The following LMO1 variants were observed in gnomAD, a reference collection of about 807,000 sequenced individuals.
LMO1 encodes rhombotin-1.
In LMO1, 10 loss-of-function variants were observed where a neutral mutation model predicts 18.0. The observed-to-expected ratio is 0.55, with a 90% CI of 0.34 to 0.94. The LOEUF (loss-of-function observed/expected upper bound fraction) is 0.94, where lower values mean the gene tolerates loss of function less well. Ranked by LOEUF, LMO1 falls within the 40% of genes least tolerant of loss-of-function variation. The probability of loss-of-function intolerance (pLI) is 0.02; values close to 1 mark genes in which losing one functional copy is unlikely to be tolerated. For missense variants in LMO1, 183 were observed against 205.7 expected, an observed-to-expected ratio of 0.89 and a Z score of 0.68; for synonymous variants, 77 against 77.9, an observed-to-expected ratio of 0.99 and a Z score of 0.06.
At chr11:8,230,597 T>C in intron 1 of LMO1, 93 bp from the exon 2 acceptor site, 1 of 1,309,012 alleles carries the variant, frequency 7.6e-7, no homozygotes, top group Non-Finnish European at 1.1e-6. Context: ...TCACTGCTTC[T>C]CTCTGCTGCC....
At chr11:8,266,209 C>T (rs1438749457), upstream of LMO1, among the ~76,000 whole-genome samples, 5 of 152,184 alleles carry the variant, frequency 3.3e-5, no homozygotes, top group Non-Finnish European at 7.4e-5. Flanking sequence ...TGGAGAGGAA[C>T]CTTCACAGCA....
chr11:8,226,947 G>C, intron 3 of LMO1, 28 bp downstream of exon 3: 1 of 1,599,532 alleles, frequency 6.3e-7, no homozygotes, highest in Non-Finnish European at 8.5e-7. Flanking sequence ...TCTGGGGAGT[G>C]TGTTGGGTCG....
At chr11:8,260,830 T>C (rs1847173879) in intron 1 of LMO1, among the ~76,000 whole-genome samples, 1 of 152,016 alleles carries the variant, frequency 6.6e-6, no homozygotes, top group South Asian at 2.1e-4. Context: ...CCTGAGTCCC[T>C]GCTGCAGCCA....
chr11:8,235,078 T>C (rs1436979818), intron 1 of LMO1, among the ~76,000 whole-genome samples: 1 of 152,204 alleles, frequency 6.6e-6, no homozygotes, highest in African/African-American at 2.4e-5. Flanking sequence ...CTTCTGCACA[T>C]GAGGCCATAG....
At chr11:8,262,799 G>A (rs1847208653) in intron 1 of LMO1, among the ~76,000 whole-genome samples, 2 of 152,090 alleles carry the variant, frequency 1.3e-5, no homozygotes, top group South Asian at 2.1e-4. Context: ...GGTCCAACCC[G>A]CCTTCCCCTC....
chr11:8,225,247 A>C (rs1450249965), intron 3 of LMO1, among the ~76,000 whole-genome samples: 1 of 151,834 alleles, frequency 6.6e-6, no homozygotes, highest in African/African-American at 2.4e-5. Flanking sequence ...CCCCATCTCT[A>C]CTAAAAATAC....
In LMO1 at chr11:8,243,176, C is replaced by T. The variant is rs527558046; in HGVS notation, c.26-12672G>A. 1.8e-3 allele frequency among the ~76,000 whole-genome samples: 273 copies of T among 152,244 alleles called. 1 individual carries two copies. The highest frequency in any genetic ancestry group is 2.8e-3 in the Non-Finnish European group (189 of 68,008). On this transcript the variant is annotated intron_variant, in intron 1 of 3. Coordinates refer to ENST00000335790, the MANE Select transcript of LMO1 (RefSeq NM_002315.3). ...GGGATGCCTGCCTGAGGCATTGCCCCGGGGCTTCCTATTGAGGCCCTGGGG... is the reference window on the plus strand; with the variant it reads ...GGGATGCCTGCCTGAGGCATTGCCCTGGGGCTTCCTATTGAGGCCCTGGGG...
At chr11:8,251,093 ACTGGGAGTTCCTTT>A (rs1846983934) in intron 1 of LMO1, among the ~76,000 whole-genome samples, 1 of 152,158 alleles carries the variant, frequency 6.6e-6, no homozygotes, top group Non-Finnish European at 1.5e-5. Context: ...AAGAGACCTC[ACTGGGAGTTCCTTT>A]CTGCTGGCCT....
chr11:8,250,992 T>C (rs1366952211), intron 1 of LMO1, among the ~76,000 whole-genome samples: 1 of 151,966 alleles, frequency 6.6e-6, no homozygotes, highest in African/African-American at 2.4e-5. Flanking sequence ...TGGATTCGAG[T>C]GTGACAAGAC....
chr11:8,263,907 T>C, upstream of LMO1: 1 of 1,024,194 alleles, frequency 9.8e-7, no homozygotes, highest in Non-Finnish European at 1.2e-6. Flanking sequence ...ACTGCATAAA[T>C]GCACACATTT....
chr11:8,229,945 G>A (rs917911220), intron 2 of LMO1, among the ~76,000 whole-genome samples: 4 of 152,194 alleles, frequency 2.6e-5, no homozygotes, highest in African/African-American at 9.7e-5. Context: ...CCCCTCTGAG[G>A]TATCCCCTCC....
chr11:8,257,462 G>T (rs55903428), intron 1 of LMO1, among the ~76,000 whole-genome samples: 12,910 of 152,292 alleles, frequency 0.085, 685 homozygotes, highest in South Asian at 0.2. Flanking sequence ...CAGTAGGCTG[G>T]CAAGGGGCAT....
chr11:8,228,391 T>C (rs1029290119), intron 2 of LMO1, among the ~76,000 whole-genome samples: 2 of 152,238 alleles, frequency 1.3e-5, no homozygotes, highest in Admixed American at 1.3e-4. Flanking sequence ...CAGCTCAAAC[T>C]CAGGCGCCTG....
chr11:8,263,161 G>GC (rs1847217436), intron 1 of LMO1, among the ~76,000 whole-genome samples, 177 bp downstream of exon 1: 1 of 151,102 alleles, frequency 6.6e-6, no homozygotes, highest in South Asian at 2.1e-4. Flanking sequence ...CGCAAGTTCC[G>GC]CCCGGCTGTC....
At chr11:8,245,561 A>T (rs1233950118) in intron 1 of LMO1, among the ~76,000 whole-genome samples, 1 of 152,218 alleles carries the variant, frequency 6.6e-6, no homozygotes, top group Non-Finnish European at 1.5e-5. Context: ...TAGATCAGAA[A>T]ACTGAAGCCA....
chr11:8,226,637 T>C (rs1952547171), intron 3 of LMO1, among the ~76,000 whole-genome samples: 3 of 152,216 alleles, frequency 2.0e-5, no homozygotes, highest in Admixed American at 2.0e-4. Flanking sequence ...AATTCCATCA[T>C]GCACATGTGC....
chr11:8,242,521 C>A (rs1450814199), intron 1 of LMO1, among the ~76,000 whole-genome samples: 2 of 152,210 alleles, frequency 1.3e-5, no homozygotes, highest in Non-Finnish European at 2.9e-5. Flanking sequence ...AAGCCCCAGG[C>A]CCAAGCCTTT....
At position 8,263,653 on chromosome 11, in the gene LMO1, C is replaced by G; in HGVS notation, c.-291G>C. ...GAGAAGGGGGAAAAGAGGATCAGAG[C>G]CGTTTCTTTGATTCTCACCTTCTAA... On this transcript the variant is annotated 5_prime_UTR_variant, in exon 1 of 4. Transcript: ENST00000335790. 1 of 1,316,584 alleles carries G rather than the reference C, an allele frequency of 7.6e-7. No homozygotes were observed. The highest frequency in any genetic ancestry group is 9.6e-7 in the Non-Finnish European group (1 of 1,036,588). 81.6% of individuals were successfully genotyped at this position (1,316,584 alleles called of 1,614,324 possible). A position where few individuals can be genotyped will look rare whatever the true frequency, so the allele number is the denominator to read the frequency against.
chr11:8,252,957 A>G (rs938294736), intron 1 of LMO1, among the ~76,000 whole-genome samples: 2 of 152,258 alleles, frequency 1.3e-5, no homozygotes, highest in Non-Finnish European at 2.9e-5. Flanking sequence ...CCACAGTGGC[A>G]TATATACTCT....
Sources: allele counts gnomAD v4.1 joint callset (sites outside exome capture counted in the v4.1 genomes callset), GRCh38; gene constraint gnomAD v4.1.1; transcripts MANE v1.5; gene names NCBI Gene and HGNC (gene_info 2026-07-23, HGNC 2026-07-21).